Variants in RYR2 observed in about 807,000 individuals in gnomAD.
The protein encoded by RYR2 is cardiac muscle ryanodine receptor-calcium release channel.
In RYR2, 227 loss-of-function variants were observed where a neutral mutation model predicts 601.1. The observed-to-expected ratio is 0.38, with a 90% CI of 0.34 to 0.42. The LOEUF is 0.42. Among genes scored for constraint, RYR2 ranks in the 10% least tolerant of loss-of-function variants. RYR2 has a pLI of 1.00. For missense variants in RYR2, 4,646 were observed against 6,156.5 expected (o/e 0.75, Z 8.21); for synonymous variants, 2,223 against 2,175.1 (o/e 1.02, Z -0.61).
chr1:237,413,756 A>G (rs1026883970), intron 10 of RYR2, among the ~76,000 whole-genome samples: 22 of 152,180 alleles, frequency 1.4e-4, no homozygotes, highest in Admixed American at 5.9e-4. Context: ...ATTGAACAGT[A>G]TATCATTGAG....
chr1:237,265,136 G>A (rs1406246996), intron 1 of RYR2, among the ~76,000 whole-genome samples: 7 of 152,166 alleles, frequency 4.6e-5, no homozygotes, highest in Non-Finnish European at 1.0e-4. Context: ...TCTCAACACA[G>A]CCTTGAAAGG....
chr1:237,578,625 A>AT (rs1253757891), intron 29 of RYR2, among the ~76,000 whole-genome samples: 4 of 152,122 alleles, frequency 2.6e-5, no homozygotes, highest in African/African-American at 7.2e-5. Flanking sequence ...TGGAGGTATT[A>AT]TTTTTTTGGA....
chr1:237,444,384 T>A (rs923282368), intron 13 of RYR2, among the ~76,000 whole-genome samples: 4 of 152,194 alleles, frequency 2.6e-5, no homozygotes, highest in African/African-American at 9.6e-5. Context: ...TGCCTTTGAA[T>A]ATAGATATAT....
At chr1:237,326,647 C>T (rs1393068189) in intron 2 of RYR2, among the ~76,000 whole-genome samples, 1 of 152,166 alleles carries the variant, frequency 6.6e-6, no homozygotes, top group African/African-American at 2.4e-5. Flanking sequence ...GGAGCACACT[C>T]ATAGTAAGGG....
chr1:237,334,752 C>T (rs912206665), intron 3 of RYR2, among the ~76,000 whole-genome samples: 1 of 152,082 alleles, frequency 6.6e-6, no homozygotes, highest in Non-Finnish European at 1.5e-5. Flanking sequence ...TTCTGTGGTT[C>T]TGGATAACTT....
intron 80 of RYR2, chr1:237,743,643 T>C (rs373185038): frequency 1.5e-4 from 76 of 517,484 alleles, no homozygotes; most frequent in East Asian, 1.3e-3. Context: ...TATATATGTG[T>C]GTATTTGTCT....
At chr1:237,541,211 C>T (rs1405495047) in intron 25 of RYR2, among the ~76,000 whole-genome samples, 1 of 152,108 alleles carries the variant, frequency 6.6e-6, no homozygotes, top group East Asian at 1.9e-4. Context: ...CACCAATGTG[C>T]CGTGTTCTTC....
At chr1:237,536,026 A>G (rs946589664) in intron 25 of RYR2, among the ~76,000 whole-genome samples, 4 of 152,162 alleles carry the variant, frequency 2.6e-5, no homozygotes, top group Admixed American at 2.6e-4. Flanking sequence ...ATAAGTCACT[A>G]CTACTTGATG....
chr1:237,597,894 G>A (rs1318803517), intron 34 of RYR2, among the ~76,000 whole-genome samples: 4 of 152,190 alleles, frequency 2.6e-5, no homozygotes, highest in African/African-American at 7.2e-5. Context: ...GTGGCTGCAT[G>A]GATAAAAAGC....
chr1:237,763,880 T>TA (rs1235755317), intron 84 of RYR2, among the ~76,000 whole-genome samples: 13 of 152,186 alleles, frequency 8.5e-5, no homozygotes, highest in African/African-American at 2.4e-5. Context: ...CTGTAAAAGT[T>TA]AAAAAAGCCT....
chr1:237,453,538 G>C (rs1225604686), intron 14 of RYR2, among the ~76,000 whole-genome samples: 4 of 152,144 alleles, frequency 2.6e-5, no homozygotes, highest in Admixed American at 2.0e-4. Context: ...CTAATACAGA[G>C]AGCAGGAATG....
At chr1:237,664,946 T>C (rs1368835580) in intron 56 of RYR2, among the ~76,000 whole-genome samples, 1 of 152,218 alleles carries the variant, frequency 6.6e-6, no homozygotes, top group East Asian at 1.9e-4. Context: ...ATAGCAGTTA[T>C]GGTGGTAGTA....
intron 38 of RYR2, among the ~76,000 whole-genome samples, chr1:237,622,064 A>G (rs1679132409): frequency 1.3e-5 from 2 of 152,182 alleles, no homozygotes; most frequent in Non-Finnish European, 2.9e-5. Context: ...GTCTCTCTGT[A>G]TTATTTCTTA....
intron 12 of RYR2, among the ~76,000 whole-genome samples, chr1:237,439,354 A>T (rs938735364): frequency 2.6e-5 from 4 of 152,092 alleles, no homozygotes; most frequent in Middle Eastern, 3.2e-3. Flanking sequence ...AATTATTAAA[A>T]CAGTCATCGG....
At chr1:237,429,100 C>G (rs1020215027) in intron 12 of RYR2, among the ~76,000 whole-genome samples, 2 of 152,094 alleles carry the variant, frequency 1.3e-5, no homozygotes, top group African/African-American at 4.8e-5. Context: ...GCCCTCAGAG[C>G]TTGGGAGGGT....
At chr1:237,743,221 A>G (rs1450510452) in intron 80 of RYR2, among the ~76,000 whole-genome samples, 2 of 152,116 alleles carry the variant, frequency 1.3e-5, no homozygotes, top group African/African-American at 4.8e-5. Context: ...ATTAAAGTGG[A>G]CCCACAAAAA....
chr1:237,263,685 GC>G (rs1688753891), intron 1 of RYR2, among the ~76,000 whole-genome samples: 1 of 152,120 alleles, frequency 6.6e-6, no homozygotes, highest in South Asian at 2.1e-4. Flanking sequence ...AAAGGCAGAA[GC>G]CCCTCTAAAT....
At chr1:237,341,761 A>G (rs1644636309) in intron 3 of RYR2, 1 of 448,490 alleles carries the variant, frequency 2.2e-6, no homozygotes, top group African/African-American at 2.0e-5. Flanking sequence ...AGTTTTGAAC[A>G]TATGATAGAG....
chr1:237,712,270 A>G (rs1051104466), intron 71 of RYR2, among the ~76,000 whole-genome samples: 6 of 152,080 alleles, frequency 3.9e-5, no homozygotes, highest in African/African-American at 1.4e-4. Flanking sequence ...GCTCCACATC[A>G]TAGGGCCTGT....
Sources: gnomAD v4.1 joint callset for allele counts (sites outside exome capture counted in the v4.1 genomes callset) on GRCh38, gnomAD v4.1.1 for gene constraint, MANE v1.5 for transcripts, NCBI Gene and HGNC (gene_info 2026-07-23, HGNC 2026-07-21) for gene names.